Variants in SECISBP2L observed in about 807,000 individuals in gnomAD.
SECISBP2L encodes selenocysteine insertion sequence-binding protein 2-like.
Under a neutral mutation model 114.7 loss-of-function variants are expected in SECISBP2L, and 43 were observed. The observed-to-expected ratio is 0.38, with a 90% confidence interval of 0.29 to 0.48. The LOEUF (loss-of-function observed/expected upper bound fraction) is 0.48. Among genes scored for constraint, SECISBP2L ranks in the 20% least tolerant of loss-of-function variants. SECISBP2L has a pLI of 0.98. For synonymous variants in SECISBP2L, 451 were observed against 439.7 expected, an observed-to-expected ratio of 1.03 and a Z score of -0.32; for missense variants, 1,136 against 1,301.1, an observed-to-expected ratio of 0.87 and a Z score of 1.95.
chr15:49,046,287 G>T lies in SECISBP2L; in HGVS notation c.13C>A (p.Pro5Thr), dbSNP rs199515957. 2.5e-4 allele frequency: 385 copies of T among 1,559,646 alleles called. 3 individuals carry two copies. In the Middle Eastern group the frequency reaches 9.5e-3, roughly 38 times the overall value. Reference protein sequence around the residue: MDRAPTEQNVKLSAE... With the variant: MDRATTEQNVKLSAE... ...CCAAACCCGCGTACCTGCTCCGTGG[G>T]GGCTCGGTCCATGGTGCCTGCAGCC... The change falls in exon 1 of 18, where the codon CCC becomes ACC. Residue 5 changes from proline (P) to threonine (T), a missense_variant. This residue lies in a region of SECISBP2L where 452 missense variants were observed against 452.3 expected (regional missense o/e 1.00). Coordinates refer to ENST00000559471, the MANE Select transcript of SECISBP2L (RefSeq NM_001193489.2).
chr15:49,027,604 CTT>C, intron 6 of SECISBP2L, 124 bp from the exon 7 acceptor site: 1 of 469,126 alleles, frequency 2.1e-6, no homozygotes, highest in Non-Finnish European at 3.7e-6. Flanking sequence ...TTCTATAAAC[CTT>C]ATTATTTTTT....
At chr15:49,007,776 T>C (rs1447590494) in intron 14 of SECISBP2L, among the ~76,000 whole-genome samples, 1 of 152,176 alleles carries the variant, frequency 6.6e-6, no homozygotes, top group East Asian at 1.9e-4. Flanking sequence ...TTGGATAGAT[T>C]TCTGGGCACT....
rs943260028 is a variant in SECISBP2L, at chr15:48,990,105, T to C, written c.*2139A>G. The C allele has an allele frequency of 6.6e-6, 1 of 152,666 alleles. No homozygotes were observed. The highest frequency in any genetic ancestry group is 1.5e-5 in the Non-Finnish European group (1 of 68,044). 9.5% of individuals were successfully genotyped at this position (152,666 alleles called of 1,614,324 possible). A position where few individuals can be genotyped will look rare whatever the true frequency, so the allele number is the denominator to read the frequency against. ...TGAAGTCTATAGCAAAACTAAAAGT[T>C]ACCAGTGTTCTGAAGATTTCCTCAA... On this transcript the variant is annotated 3_prime_UTR_variant, in exon 18 of 18. Transcript: ENST00000559471.
rs1172285855 is a variant in SECISBP2L, at chr15:49,028,664, G to A, written c.683C>T (p.Ala228Val). The A allele has an allele frequency of 6.2e-7, 1 of 1,613,936 alleles. No homozygotes were observed. Among genetic ancestry groups the A allele is most frequent in the Admixed American group, 1.7e-5 (1 of 60,020 alleles). ...AGTGGTCTCTGAGAGAGACTTGTTA[G>A]CGATATCTGATGGGAAATCTACAAA... ...SQQTDFPSDI[A>V]NKSLSETTAT... Residue 228 changes from alanine (A) to valine (V), a missense_variant, in exon 5 of 18, where the codon GCT becomes GTT. Physicochemically the swap from Ala to Val is moderately conservative, Grantham distance 64 (BLOSUM62 0). Transcript: ENST00000559471.
chr15:49,040,314 CAAAAG>C (rs1903096991), intron 1 of SECISBP2L, among the ~76,000 whole-genome samples: 1 of 151,952 alleles, frequency 6.6e-6, no homozygotes, highest in Non-Finnish European at 1.5e-5. Context: ...AGCACACACA[CAAAAG>C]AGAGAGAGAG....
chr15:49,036,971 A>G (rs139640884), intron 2 of SECISBP2L, among the ~76,000 whole-genome samples: 44 of 152,342 alleles, frequency 2.9e-4, no homozygotes, highest in Admixed American at 9.2e-4. Flanking sequence ...ACTTTTATAC[A>G]GCCATAAAAT....
chr15:49,002,134 T>C (rs1202564783), intron 14 of SECISBP2L, among the ~76,000 whole-genome samples: 1 of 152,210 alleles, frequency 6.6e-6, no homozygotes, highest in Non-Finnish European at 1.5e-5. Context: ...TTCCTGACTT[T>C]TTAATGATTG....
intron 3 of SECISBP2L, among the ~76,000 whole-genome samples, chr15:49,034,812 C>T (rs1378579913): frequency 6.6e-6 from 1 of 151,904 alleles, no homozygotes; most frequent in African/African-American, 2.4e-5. Flanking sequence ...TACAGGCATG[C>T]ACTAACATAC....
chr15:48,989,671 T>C lies in SECISBP2L; in HGVS notation c.*2573A>G, dbSNP rs192855283. 1.3e-5 allele frequency: 2 copies of C among 152,342 alleles called. No homozygotes were observed. Among genetic ancestry groups the C allele is most frequent in the Non-Finnish European group, 2.9e-5 (2 of 68,012 alleles). 9.4% of individuals were successfully genotyped at this position (152,342 alleles called of 1,614,324 possible). On this transcript the variant is annotated 3_prime_UTR_variant, in exon 18 of 18. Coordinates refer to ENST00000559471, the MANE Select transcript of SECISBP2L (RefSeq NM_001193489.2). Reference sequence around the variant, plus strand: ...CTTACATACTGAAATAGAAATCTATTATTAATTATTGCCAGTAAAACCACC... The same window carrying C: ...CTTACATACTGAAATAGAAATCTATCATTAATTATTGCCAGTAAAACCACC...
In SECISBP2L at chr15:49,035,360, T is replaced by A; in HGVS notation, c.502A>T (p.Ser168Cys). 6.2e-7 allele frequency: 1 copy of A among 1,614,178 alleles called. No individual in the cohort carries two copies. Residue 168 changes from serine (S) to cysteine (C), a missense_variant, in exon 3 of 18, where the codon AGT becomes TGT. By Grantham distance (112) the Ser-to-Cys change is moderately radical. This residue lies in a region of SECISBP2L where 452 missense variants were observed against 452.3 expected (regional missense o/e 1.00). Coordinates refer to ENST00000559471, the MANE Select transcript of SECISBP2L (RefSeq NM_001193489.2). ...FPLSSHRSRN[S>C]NRGSVVPKQQ... ...TTTGGGACCACTGATCCTCTGTTAC[T>A]GTTTCTGCTTCGATGGCTGGACAAT...
At chr15:49,008,976 AATACTATCTG>A (rs1181313148) in intron 14 of SECISBP2L, among the ~76,000 whole-genome samples, 1 of 152,222 alleles carries the variant, frequency 6.6e-6, no homozygotes, top group Non-Finnish European at 1.5e-5. Flanking sequence ...CTAGAATAGA[AATACTATCTG>A]ATATAAAGAG....
chr15:49,017,111 C>T lies in SECISBP2L; in HGVS notation c.1252-96G>A, dbSNP rs113395523. 731 of 1,168,380 alleles carry T rather than the reference C, an allele frequency of 6.3e-4. 2 individuals carry two copies. The African/African-American group carries it at 0.01, about 16-fold the overall frequency. The allele number at this position is 1,168,380 out of a possible 1,614,324, so 72.4% of individuals were successfully genotyped here. A position where few individuals can be genotyped will look rare whatever the true frequency, so the allele number is the denominator to read the frequency against. On this transcript the variant is annotated intron_variant, in intron 9 of 17. Coordinates refer to ENST00000559471, the MANE Select transcript of SECISBP2L (RefSeq NM_001193489.2). Reference sequence around the variant, plus strand: ...AATGTGGGATGTTCTGCAGTACAACCGGACTAGACTCTTCAAAGAATTCAA... The same window carrying T: ...AATGTGGGATGTTCTGCAGTACAACTGGACTAGACTCTTCAAAGAATTCAA...
At chr15:49,011,254 C>G (rs12900819) in intron 13 of SECISBP2L, among the ~76,000 whole-genome samples, 39,789 of 152,074 alleles carry the variant, frequency 0.26, 6,468 homozygotes, top group Non-Finnish European at 0.36. Flanking sequence ...TTGCTACTTA[C>G]TGTATGACAC....
Position 49,009,231 on chromosome 15 carries a change from C to G in SECISBP2L, c.2012G>C (p.Ser671Thr), listed in dbSNP as rs1218759716. Residue 671 changes from serine to threonine, a missense_variant, in exon 14 of 18, where the codon AGC (serine) becomes ACC (threonine). Transcript: ENST00000559471. ...MASSTITKIH[S>T]KRFREYCNQV... is the part of the protein sequence containing the mutation. ...TAAAACTTACTCTCTAAATCTTTTGCTGTGGATTTTGGTTATTGTTGAAGA... is the reference window on the plus strand; with the variant it reads ...TAAAACTTACTCTCTAAATCTTTTGGTGTGGATTTTGGTTATTGTTGAAGA... The G allele has an allele frequency of 6.2e-7, 1 of 1,613,892 alleles. No homozygotes were observed. Among genetic ancestry groups the G allele is most frequent in the Middle Eastern group, 1.6e-4 (1 of 6,062 alleles).
At chr15:48,993,005 G>T (rs1158019560) in intron 17 of SECISBP2L, 79 bp from the exon 18 acceptor site, 1 of 1,217,598 alleles carries the variant, frequency 8.2e-7, no homozygotes, top group African/African-American at 1.5e-5. Flanking sequence ...CCCCAAAAAA[G>T]AAAGAACAAC....
At chr15:49,034,553 T>G (rs1020286008) in intron 3 of SECISBP2L, among the ~76,000 whole-genome samples, 1 of 152,110 alleles carries the variant, frequency 6.6e-6, no homozygotes, top group Non-Finnish European at 1.5e-5. Context: ...CAAAGTGCTA[T>G]TCCTACTAAA....
chr15:49,043,915 G>A (rs1443129211), intron 1 of SECISBP2L, among the ~76,000 whole-genome samples: 1 of 150,584 alleles, frequency 6.6e-6, no homozygotes, highest in African/African-American at 2.4e-5. Flanking sequence ...ATTAAAAAAA[G>A]GTAATTCACA....
In SECISBP2L at chr15:49,000,877, C is replaced by A; in HGVS notation, c.2248G>T (p.Gly750Cys). The change falls in exon 15 of 18, where the codon GGT (glycine) becomes TGT (cysteine). Residue 750 changes from glycine (G) to cysteine (C), a missense_variant and splice_region_variant. Around this residue, in one of 2 missense-constraint regions of SECISBP2L, gnomAD observed 684 missense variants for 848.7 expected, o/e 0.81. Transcript: ENST00000559471. ...CACTTCAAAAGCAAAAAGCGCATAC[C>A]TTTTGACTGGATTTTTTCACAGTTT... is the stretch of plus-strand genomic sequence containing the variant. Reference protein sequence around the residue: ...SPNCEKIQSKGGLDEALYNVI... With the variant: ...SPNCEKIQSKCGLDEALYNVI... 6.2e-7 allele frequency: 1 copy of A among 1,612,074 alleles called. No individual in the cohort carries two copies. Among genetic ancestry groups the A allele is most frequent in the South Asian group, 1.1e-5 (1 of 90,616 alleles).
intron 14 of SECISBP2L, among the ~76,000 whole-genome samples, chr15:49,002,103 G>A (rs1427569246): frequency 6.6e-6 from 1 of 152,022 alleles, no homozygotes; most frequent in Non-Finnish European, 1.5e-5. Context: ...CTATTTCTCC[G>A]CATCCTCTCC....
Sources: allele counts gnomAD v4.1 joint callset (sites outside exome capture counted in the v4.1 genomes callset), GRCh38; gene constraint gnomAD v4.1.1; regional missense constraint gnomAD v4.1.1; transcripts MANE v1.5; gene names NCBI Gene and HGNC (gene_info 2026-07-23, HGNC 2026-07-21).